Variants in SSR2 observed in about 807,000 individuals in gnomAD.
SSR2 encodes the protein signal sequence receptor subunit 2.
A neutral mutation model predicts 22.6 loss-of-function variants in SSR2; 16 were observed. The observed-to-expected ratio is 0.71, with a 90% CI of 0.48 to 1.08. The LOEUF (loss-of-function observed/expected upper bound fraction) is 1.08, where lower values mean the gene tolerates loss of function less well. SSR2 is among the 50% of genes least tolerant of loss of function. The probability of loss-of-function intolerance (pLI) is 0.00; values close to 1 mark genes in which losing one functional copy is unlikely to be tolerated. For synonymous variants in SSR2, 83 were observed against 91.2 expected (o/e 0.91, Z 0.51); for missense variants, 171 against 221.6 (o/e 0.77, Z 1.45).
intron 1 of SSR2, 178 bp downstream of exon 1, chr1:156,020,710 G>A: frequency 5.7e-6 from 2 of 353,676 alleles, no homozygotes; most frequent in Non-Finnish European, 1.2e-5. Flanking sequence ...ACGGGCGGGG[G>A]GGCGGGGGTC....
At chr1:156,018,065 A>C in intron 3 of SSR2, 6 of 468,502 alleles carry the variant, frequency 1.3e-5, no homozygotes, top group Non-Finnish European at 2.3e-5. Flanking sequence ...AGGGTCTTAT[A>C]ATCTGAACTT....
At chr1:156,018,640 C>T (rs1305852889) in intron 2 of SSR2, among the ~76,000 whole-genome samples, 4 of 147,848 alleles carry the variant, frequency 2.7e-5, no homozygotes, top group African/African-American at 7.5e-5. Flanking sequence ...CCCTGGGAGG[C>T]GGAGGTTGCA....
At position 156,017,739 on chromosome 1, in the gene SSR2, G is replaced by GTTTTTTTTTTTTTTTTTTTT. The variant is rs757236241; in HGVS notation, c.254+511_254+530dup. On this transcript the variant is annotated intron_variant, in intron 3 of 5. Transcript: ENST00000295702. The stretch of plus-strand genomic sequence containing the variant: ...ATCCTCCCAGTATAGTATGTTTCAG[G>GTTTTTTTTTTTTTTTTTTTT]TTTTTTTTTTTTTTTTTTTTTTTTT... 3.2e-5 allele frequency among the ~76,000 whole-genome samples: 2 copies of GTTTTTTTTTTTTTTTTTTTT among 61,886 alleles called. 1 individual carries two copies. Among genetic ancestry groups the GTTTTTTTTTTTTTTTTTTTT allele is most frequent in the Non-Finnish European group, 5.4e-5 (2 of 37,022 alleles). The allele number at this position is 61,886 out of a possible 152,430, so 40.6% of individuals were successfully genotyped here. A position where few individuals can be genotyped will look rare whatever the true frequency, so the allele number is the denominator to read the frequency against.
At chr1:156,016,178 C>T (rs1022302257) in intron 3 of SSR2, among the ~76,000 whole-genome samples, 1 of 152,054 alleles carries the variant, frequency 6.6e-6, no homozygotes, top group Non-Finnish European at 1.5e-5. Flanking sequence ...GTCATTCAAT[C>T]AGTGCTTCTT....
At chr1:156,015,581 ATTTT>A (rs1254070184) in intron 3 of SSR2, among the ~76,000 whole-genome samples, 1 of 120,112 alleles carries the variant, frequency 8.3e-6, no homozygotes, top group South Asian at 2.7e-4. Flanking sequence ...AAATTTACTG[ATTTT>A]TTTAAATATT....
chr1:156,020,649 A>T (rs1469838311), intron 1 of SSR2: 2 of 324,184 alleles, frequency 6.2e-6, no homozygotes, highest in African/African-American at 2.5e-5. Flanking sequence ...TCTCCAGTCC[A>T]GCCCCTGAGA....
In SSR2 at chr1:156,011,827, G is replaced by T; in HGVS notation, c.424C>A (p.Arg142=). Residue 142 remains arginine (R), a synonymous_variant, in exon 5 of 6, where the codon CGA becomes AGA. Transcript: ENST00000295702. ...AAGCTTACAAAATGAGGGGAGAATC[G>T]CCTGTCAAACTCCCGCTGAGCCAGG... ...GILAQREFDR[R]FSPHFLDWAA... is the part of the protein sequence containing the mutation. 6.2e-7 allele frequency: 1 copy of T among 1,613,628 alleles called. No homozygotes were observed. Among genetic ancestry groups the T allele is most frequent in the Non-Finnish European group, 8.5e-7 (1 of 1,179,678 alleles).
intron 2 of SSR2, chr1:156,019,256 C>A (rs1474329018): frequency 4.4e-6 from 2 of 453,972 alleles, no homozygotes; most frequent in Non-Finnish European, 8.9e-6. Flanking sequence ...AATTTTTCTT[C>A]ATGTACATGC....
intron 5 of SSR2, 151 bp downstream of exon 5, chr1:156,011,659 A>G (rs1254189355): frequency 3.4e-6 from 2 of 582,144 alleles, no homozygotes; most frequent in East Asian, 5.4e-5. Context: ...GGCTAAATCA[A>G]TCTATTTGAT....
rs1295285641 is a variant in SSR2 at position 156,020,933 on chromosome 1, G to A, written c.-46C>T. On this transcript the variant is annotated 5_prime_UTR_variant, in exon 1 of 6. Coordinates refer to ENST00000295702, the MANE Select transcript of SSR2 (RefSeq NM_003145.4). ...TTCCGGAGCCACAAAGACAGGAAGA[G>A]AGCGTCAGCATCCGAAAGACCGGAA... 1 of 471,336 alleles carries A rather than the reference G, an allele frequency of 2.1e-6. No homozygotes were observed. The highest frequency in any genetic ancestry group is 4.4e-6 in the Non-Finnish European group (1 of 227,014). The allele number at this position is 471,336 out of a possible 1,614,324, so 29.2% of individuals were successfully genotyped here.
intron 4 of SSR2, chr1:156,012,587 G>C (rs887121822): frequency 2.2e-6 from 1 of 456,104 alleles, no homozygotes; most frequent in Admixed American, 2.4e-5. Context: ...AATGATACCG[G>C]ATGTGAAAAC....
At chr1:156,017,743 T>TTG (rs1197606312) in intron 3 of SSR2, among the ~76,000 whole-genome samples, 1 of 107,206 alleles carries the variant, frequency 9.3e-6, no homozygotes, top group African/African-American at 3.5e-5. Context: ...TTTCAGGTTT[T>TTG]TTTTTTTTTT....
Position 156,011,716 on chromosome 1 carries a change from C to T in SSR2, c.441+94G>A, listed in dbSNP as rs573905352. The T allele has an allele frequency of 7.2e-5, 75 of 1,036,538 alleles. No individual in the cohort carries two copies. The African/African-American group carries it at 9.6e-4, about 13-fold the overall frequency. The allele number at this position is 1,036,538 out of a possible 1,614,324, so 64.2% of individuals were successfully genotyped here. A position where few individuals can be genotyped will look rare whatever the true frequency, so the allele number is the denominator to read the frequency against. ...AAAAACACACAGGGCAAGAACCAAC[C>T]AACAAAACAAATCTGTGGAAGCCAA... On this transcript the variant is annotated intron_variant, in intron 5 of 5. Coordinates refer to ENST00000295702, the MANE Select transcript of SSR2 (RefSeq NM_003145.4).
chr1:156,020,453 A>G (rs1356441729), intron 1 of SSR2: 3 of 362,426 alleles, frequency 8.3e-6, no homozygotes, highest in South Asian at 2.5e-5. Context: ...AGGGGACACC[A>G]TGTGGCCAGA....
chr1:156,016,277 A>G (rs1337564574), intron 3 of SSR2, among the ~76,000 whole-genome samples: 2 of 151,466 alleles, frequency 1.3e-5, no homozygotes, highest in Non-Finnish European at 2.9e-5. Context: ...TCCGTCGCCC[A>G]GGCTGAAGTG....
intron 2 of SSR2, chr1:156,019,235 A>AATAGG: frequency 2.2e-6 from 1 of 454,516 alleles, no homozygotes; most frequent in South Asian, 1.6e-5. Flanking sequence ...GTCCAAGTTC[A>AATAGG]TCCTTGCCTC....
chr1:156,015,225 G>C (rs906224137), intron 3 of SSR2, among the ~76,000 whole-genome samples, 156 bp from the exon 4 acceptor site: 1 of 151,988 alleles, frequency 6.6e-6, no homozygotes, highest in Non-Finnish European at 1.5e-5. Flanking sequence ...AGGCTTCTTT[G>C]CCGGGCATGG....
At chr1:156,018,248 T>G in intron 3 of SSR2, 22 bp downstream of exon 3, 1 of 1,603,864 alleles carries the variant, frequency 6.2e-7, no homozygotes, top group Non-Finnish European at 8.5e-7. Context: ...CGACCCTTCA[T>G]CACCAAGTGC....
intron 3 of SSR2, among the ~76,000 whole-genome samples, chr1:156,017,741 T>G (rs1174413804): frequency 2.0e-5 from 2 of 100,412 alleles, no homozygotes; most frequent in Non-Finnish European, 4.1e-5. Context: ...TGTTTCAGGT[T>G]TTTTTTTTTT....
Sources: gnomAD v4.1 joint callset for allele counts (sites outside exome capture counted in the v4.1 genomes callset) on GRCh38, gnomAD v4.1.1 for gene constraint, MANE v1.5 for transcripts, NCBI Gene and HGNC (gene_info 2026-07-23, HGNC 2026-07-21) for gene names.